The following DLG1 variants were observed in gnomAD, a reference collection of about 807,000 sequenced individuals.
DLG1 encodes disks large homolog 1.
In DLG1, 42 loss-of-function variants were observed where a neutral mutation model predicts 123.4. That is an observed-to-expected ratio of 0.34 (90% CI 0.27 to 0.44). The LOEUF (loss-of-function observed/expected upper bound fraction) is 0.44, where lower values mean the gene tolerates loss of function less well. DLG1 is among the 20% of genes least tolerant of loss of function. The pLI, the probability that DLG1 is intolerant of heterozygous loss-of-function variation, is 1.00. For synonymous variants in DLG1, 317 were observed against 356.2 expected (o/e 0.89, Z 1.24); for missense variants, 942 against 1,082.6 (o/e 0.87, Z 1.82).
rs140807267 is a variant in DLG1, at chr3:197,217,400, T to A, written c.319-22811A>T. Among the ~76,000 whole-genome samples the A allele has an allele frequency of 9.0e-3, 1,367 of 152,340 alleles. 16 individuals are homozygous for A. The highest frequency in any genetic ancestry group is 0.026 in the African/African-American group (1,094 of 41,580). On this transcript the variant is annotated intron_variant, in intron 4 of 24. Coordinates refer to ENST00000667157, the MANE Select transcript of DLG1 (RefSeq NM_001366207.1). The stretch of plus-strand genomic sequence containing the variant: ...TTCAAGATTATGAACCATCGAAGTT[T>A]GTAAACTATGTTTTGATTTCAAGTG...
intron 15 of DLG1, among the ~76,000 whole-genome samples, chr3:197,088,435 A>T (rs1316242870): frequency 6.6e-6 from 1 of 152,208 alleles, no homozygotes; most frequent in East Asian, 1.9e-4. Context: ...ACTGGGGAGA[A>T]GGCAAAACAA....
intron 4 of DLG1, among the ~76,000 whole-genome samples, chr3:197,249,884 TAACA>T (rs1483157208): frequency 6.6e-6 from 1 of 152,156 alleles, no homozygotes; most frequent in Non-Finnish European, 1.5e-5. Context: ...TAAAAACCGG[TAACA>T]AACTGTTACA....
intron 17 of DLG1, among the ~76,000 whole-genome samples, chr3:197,079,937 CTGAGT>C (rs1375383743): frequency 6.6e-6 from 1 of 151,848 alleles, no homozygotes; most frequent in Non-Finnish European, 1.5e-5. Context: ...AATTTATTTG[CTGAGT>C]TAACATTCCA....
At chr3:197,162,200 G>T (rs908579501) in intron 5 of DLG1, among the ~76,000 whole-genome samples, 2 of 151,438 alleles carry the variant, frequency 1.3e-5, no homozygotes, top group Non-Finnish European at 2.9e-5. Context: ...CTGTTATCAA[G>T]AACAGTAATA....
chr3:197,101,462 T>C (rs992677392), intron 14 of DLG1, among the ~76,000 whole-genome samples: 1 of 151,252 alleles, frequency 6.6e-6, no homozygotes, highest in Non-Finnish European at 1.5e-5. Context: ...CTCGGCTCAC[T>C]GCAAGCTCGG....
chr3:197,081,350 A>G (rs1411105140), intron 16 of DLG1, among the ~76,000 whole-genome samples: 2 of 152,238 alleles, frequency 1.3e-5, no homozygotes, highest in Non-Finnish European at 2.9e-5. Flanking sequence ...ATATATGTGT[A>G]TATTTTTATA....
chr3:197,247,411 G>T (rs1454902930), intron 4 of DLG1, among the ~76,000 whole-genome samples: 1 of 152,080 alleles, frequency 6.6e-6, no homozygotes, highest in Non-Finnish European at 1.5e-5. Flanking sequence ...TTAGTGGGCT[G>T]TTCAGGGGTA....
intron 5 of DLG1, among the ~76,000 whole-genome samples, chr3:197,166,682 G>C (rs529017297): frequency 2.0e-5 from 3 of 152,224 alleles, no homozygotes; most frequent in African/African-American, 7.2e-5. Flanking sequence ...CTGAGGTCAG[G>C]AGTTTGAGAC....
At chr3:197,123,617 T>C (rs1005798996) in intron 11 of DLG1, among the ~76,000 whole-genome samples, 11 of 152,184 alleles carry the variant, frequency 7.2e-5, no homozygotes, top group African/African-American at 2.7e-4. Context: ...ATACCAAGGG[T>C]TGGTGAGGAT....
chr3:197,059,809 A>T, intron 23 of DLG1, 80 bp downstream of exon 23: 1 of 863,632 alleles, frequency 1.2e-6, no homozygotes, highest in Non-Finnish European at 1.9e-6. Context: ...AGATAAACTG[A>T]GATGCAGGGA....
intron 5 of DLG1, among the ~76,000 whole-genome samples, chr3:197,190,965 G>A (rs1316695590): frequency 3.3e-5 from 5 of 152,268 alleles, no homozygotes; most frequent in South Asian, 4.1e-4. Context: ...AGCCGAGATC[G>A]CGCCACTGCA....
At chr3:197,099,880 A>G (rs1451904273) in intron 14 of DLG1, among the ~76,000 whole-genome samples, 1 of 152,208 alleles carries the variant, frequency 6.6e-6, no homozygotes, top group Non-Finnish European at 1.5e-5. Flanking sequence ...TTTAAGTACA[A>G]TAGCTCTCTG....
chr3:197,142,243 AG>A (rs1443274988), intron 7 of DLG1, among the ~76,000 whole-genome samples: 1 of 152,216 alleles, frequency 6.6e-6, no homozygotes, highest in East Asian at 1.9e-4. Context: ...TTAAAAAGCA[AG>A]AAAAATCTGA....
intron 14 of DLG1, among the ~76,000 whole-genome samples, chr3:197,103,074 T>G (rs1764411199): frequency 6.6e-6 from 1 of 152,186 alleles, no homozygotes; most frequent in African/African-American, 2.4e-5. Flanking sequence ...GAGTGAAATT[T>G]TATACCATAT....
In DLG1 at chr3:197,194,575, C is replaced by T. The variant is rs78014638; in HGVS notation, c.333G>A (p.Gln111=). The T allele has an allele frequency of 2.0e-4, 322 of 1,589,948 alleles. No homozygotes were observed. Among genetic ancestry groups the T allele is most frequent in the Non-Finnish European group, 2.7e-4 (319 of 1,171,896 alleles). The change falls in exon 5 of 25, where the codon CAG becomes CAA. Residue 111 remains glutamine (Q), a synonymous_variant. Transcript: ENST00000667157. ...GCTCTTGAGGAGGTGTATCTTCATC[C>T]TGATACCTGTATTTCTGTAAAGAAA... ...LSPSVEKYRY[Q]DEDTPPQEHI... is the part of the protein sequence containing the mutation.
rs550387128 is a variant in DLG1, at chr3:197,187,738, G to T, written c.483+6687C>A. On this transcript the variant is annotated intron_variant, in intron 5 of 24. Transcript: ENST00000667157. The stretch of plus-strand genomic sequence containing the variant: ...GAGGTTTTTATTTGTTCGATTTACT[G>T]TTCTAACAATTTTTCCTAATTCTCA... Among the ~76,000 whole-genome samples, 17 of 152,142 alleles carry T rather than the reference G, an allele frequency of 1.1e-4. No homozygotes were observed. The South Asian group carries it at 3.5e-3, about 32-fold the overall frequency.
At chr3:197,193,958 T>C (rs1350010949) in intron 5 of DLG1, among the ~76,000 whole-genome samples, 1 of 152,074 alleles carries the variant, frequency 6.6e-6, no homozygotes, top group Non-Finnish European at 1.5e-5. Context: ...TAGCTGGGAC[T>C]GCAGGCATGT....
chr3:197,296,305 A>C (rs1304079347), intron 3 of DLG1, 41 bp downstream of exon 3: 1 of 1,579,780 alleles, frequency 6.3e-7, no homozygotes, highest in African/African-American at 1.4e-5. Context: ...GAGGAGCATA[A>C]AGCCTAGCTG....
chr3:197,126,375 G>A (rs1270629984), intron 11 of DLG1, among the ~76,000 whole-genome samples: 1 of 151,964 alleles, frequency 6.6e-6, no homozygotes, highest in African/African-American at 2.4e-5. Flanking sequence ...ACTGAGGCAA[G>A]AGAATGGCTT....
Sources: allele counts gnomAD v4.1 joint callset (sites outside exome capture counted in the v4.1 genomes callset), GRCh38; gene constraint gnomAD v4.1.1; transcripts MANE v1.5; gene names NCBI Gene and HGNC (gene_info 2026-07-23, HGNC 2026-07-21).